The following CSNK1G3 variants were observed in gnomAD, a reference collection of about 807,000 sequenced individuals.
CSNK1G3 encodes the protein casein kinase I isoform gamma-3.
A neutral mutation model predicts 64.3 loss-of-function variants in CSNK1G3; 23 were observed. The ratio of observed to expected loss-of-function variants is 0.36; its 90% CI spans 0.26 to 0.51. CSNK1G3 has a LOEUF of 0.51. Among genes scored for constraint, CSNK1G3 ranks in the 20% least tolerant of loss-of-function variants. CSNK1G3 has a pLI of 0.96. For missense variants in CSNK1G3, 357 were observed against 510.5 expected, an observed-to-expected ratio of 0.70 and a Z score of 2.90; for synonymous variants, 158 against 162.2, an observed-to-expected ratio of 0.97 and a Z score of 0.20.
At chr5:123,587,001 A>T (rs1487567969) in intron 6 of CSNK1G3, among the ~76,000 whole-genome samples, 1 of 152,186 alleles carries the variant, frequency 6.6e-6, no homozygotes, top group Non-Finnish European at 1.5e-5. Context: ...CTTATTCACT[A>T]TCAGGAGAAA....
chr5:123,549,976 A>T (rs1485992075), intron 2 of CSNK1G3, among the ~76,000 whole-genome samples: 1 of 151,938 alleles, frequency 6.6e-6, no homozygotes, highest in African/African-American at 2.4e-5. Flanking sequence ...ATAACTCCTT[A>T]TTTTATTGTT....
chr5:123,612,990 C>A (rs917967166), intron 12 of CSNK1G3, among the ~76,000 whole-genome samples: 1 of 151,978 alleles, frequency 6.6e-6, no homozygotes, highest in South Asian at 2.1e-4. Context: ...TGCTTGCCTG[C>A]GCCAAAAGTA....
intron 2 of CSNK1G3, among the ~76,000 whole-genome samples, chr5:123,547,647 G>A (rs1782795628): frequency 6.6e-6 from 1 of 152,140 alleles, no homozygotes; most frequent in Admixed American, 6.5e-5. Context: ...ACATCTGTCT[G>A]TCTATTCTAT....
exon 13 of CSNK1G3, chr5:123,614,440 C>G: frequency 6.4e-7 from 1 of 1,564,268 alleles, no homozygotes; most frequent in Non-Finnish European, 8.7e-7. Context: ...ACATGTTCAT[C>G]TGCTGTCTTG....
chr5:123,556,091 A>G (rs113362258), intron 3 of CSNK1G3, among the ~76,000 whole-genome samples: 10 of 152,232 alleles, frequency 6.6e-5, no homozygotes, highest in African/African-American at 2.4e-4. Context: ...ACCTAGTACA[A>G]TTTAGTTTCA....
At chr5:123,534,069 C>A (rs757097687) in intron 1 of CSNK1G3, among the ~76,000 whole-genome samples, 16 of 151,896 alleles carry the variant, frequency 1.1e-4, no homozygotes, top group Non-Finnish European at 1.6e-4. Flanking sequence ...CTCATTTATT[C>A]ATCTACAGTA....
intron 3 of CSNK1G3, among the ~76,000 whole-genome samples, chr5:123,554,686 ATGT>A (rs1157723809): frequency 6.6e-6 from 1 of 152,110 alleles, no homozygotes; most frequent in Non-Finnish European, 1.5e-5. Flanking sequence ...TCCTTTTCTC[ATGT>A]TGTAGGCCAG....
At chr5:123,568,493 T>C (rs1168658293) in intron 4 of CSNK1G3, among the ~76,000 whole-genome samples, 2 of 152,188 alleles carry the variant, frequency 1.3e-5, no homozygotes, top group Non-Finnish European at 2.9e-5. Flanking sequence ...TTTTAAAAAA[T>C]GTTTGCTCAG....
chr5:123,588,182 T>C lies in CSNK1G3; in HGVS notation c.759+29T>C, dbSNP rs552932716. The C allele has an allele frequency of 5.6e-6, 8 of 1,440,466 alleles. No individual in the cohort carries two copies. In the African/African-American group the frequency reaches 1.1e-4, roughly 20 times the overall value. The allele number at this position is 1,440,466 out of a possible 1,614,324, so 89.2% of individuals were successfully genotyped here. A position where few individuals can be genotyped will look rare whatever the true frequency, so the allele number is the denominator to read the frequency against. On this transcript the variant is annotated intron_variant, in intron 7 of 12. Transcript: ENST00000345990. ...ATTGTTTTTGTGTTTCTTTATTGAA[T>C]TTCATAAAATATTAAGATATTAAGG...
chr5:123,533,927 A>G (rs1396827598), intron 1 of CSNK1G3, among the ~76,000 whole-genome samples: 1 of 151,242 alleles, frequency 6.6e-6, no homozygotes, highest in Non-Finnish European at 1.5e-5. Context: ...GACTAGGCTA[A>G]TATTTCTGGG....
At chr5:123,544,744 C>T (rs913161991) in intron 1 of CSNK1G3, among the ~76,000 whole-genome samples, 2 of 152,056 alleles carry the variant, frequency 1.3e-5, no homozygotes, top group African/African-American at 2.4e-5. Context: ...AATTTAATAC[C>T]TAATTTCTGC....
At chr5:123,604,130 T>C (rs1259809069) in intron 10 of CSNK1G3, among the ~76,000 whole-genome samples, 3 of 151,986 alleles carry the variant, frequency 2.0e-5, no homozygotes, top group Admixed American at 1.3e-4. Context: ...TGATTAGATA[T>C]GGGATATGTT....
intron 1 of CSNK1G3, among the ~76,000 whole-genome samples, chr5:123,525,091 A>G (rs896591709): frequency 2.6e-5 from 4 of 151,940 alleles, no homozygotes; most frequent in Non-Finnish European, 4.4e-5. Context: ...TTCGTATCAT[A>G]TTTTCTGTTG....
intron 4 of CSNK1G3, among the ~76,000 whole-genome samples, chr5:123,562,513 G>A (rs1307026330): frequency 1.3e-5 from 2 of 151,986 alleles, no homozygotes; most frequent in East Asian, 3.9e-4. Flanking sequence ...AAGTTGGGAT[G>A]TATAATCTTC....
At chr5:123,555,826 A>G (rs1487870169) in intron 3 of CSNK1G3, among the ~76,000 whole-genome samples, 1 of 152,050 alleles carries the variant, frequency 6.6e-6, no homozygotes, top group African/African-American at 2.4e-5. Flanking sequence ...AATAAGTTAT[A>G]TATTTAATTT....
intron 4 of CSNK1G3, among the ~76,000 whole-genome samples, chr5:123,559,986 A>T (rs915700705): frequency 3.3e-5 from 5 of 152,146 alleles, no homozygotes; most frequent in Non-Finnish European, 7.3e-5. Flanking sequence ...AGATATATTT[A>T]AGTAATATCC....
intron 1 of CSNK1G3, among the ~76,000 whole-genome samples, chr5:123,519,862 T>C (rs969880781): frequency 9.9e-5 from 15 of 152,206 alleles, no homozygotes; most frequent in African/African-American, 3.6e-4. Flanking sequence ...GTGCTCTTTC[T>C]GAGTAAGAAT....
At chr5:123,557,748 G>GT (rs1222767471) in intron 4 of CSNK1G3, among the ~76,000 whole-genome samples, 184 bp downstream of exon 4, 1 of 152,120 alleles carries the variant, frequency 6.6e-6, no homozygotes, top group South Asian at 2.1e-4. Context: ...AGCTTTTTAT[G>GT]TTTATGCTGA....
At chr5:123,591,493 C>A in intron 10 of CSNK1G3, 79 bp downstream of exon 10, 2 of 766,668 alleles carry the variant, frequency 2.6e-6, no homozygotes, top group Non-Finnish European at 4.1e-6. Context: ...ATAAAACAGA[C>A]TGAAGGATTG....
Sources: gnomAD v4.1 joint callset for allele counts (sites outside exome capture counted in the v4.1 genomes callset) on GRCh38, gnomAD v4.1.1 for gene constraint, MANE v1.5 for transcripts, NCBI Gene and HGNC (gene_info 2026-07-23, HGNC 2026-07-21) for gene names.